Variants in XRN1 observed in about 807,000 individuals in gnomAD.
XRN1 encodes strand-exchange protein 1 homolog.
XRN1 carries 67 observed loss-of-function variants against 222.3 expected under a neutral mutation model. The observed-to-expected ratio is 0.30, with a 90% CI of 0.25 to 0.37. XRN1 has a LOEUF of 0.37. Among genes scored for constraint, XRN1 ranks in the 10% least tolerant of loss-of-function variants. The pLI is 1.00. For synonymous variants in XRN1, 643 were observed against 652.4 expected, an observed-to-expected ratio of 0.99 and a Z score of 0.22; for missense variants, 1,707 against 2,000.2, an observed-to-expected ratio of 0.85 and a Z score of 2.80.
chr3:142,326,405 T>C (rs972365243), intron 37 of XRN1, among the ~76,000 whole-genome samples: 6 of 152,112 alleles, frequency 3.9e-5, no homozygotes, highest in Admixed American at 3.9e-4. Context: ...AGGTATTTTA[T>C]TTATTTGTAG....
chr3:142,320,516 ACT>A (rs1277897902), intron 37 of XRN1, among the ~76,000 whole-genome samples: 1 of 151,736 alleles, frequency 6.6e-6, no homozygotes, highest in Non-Finnish European at 1.5e-5. Context: ...TTGTCTGTTT[ACT>A]CTGTTGATTA....
chr3:142,325,103 T>TGGTA (rs1489618255), intron 37 of XRN1, among the ~76,000 whole-genome samples: 1 of 152,210 alleles, frequency 6.6e-6, no homozygotes. Flanking sequence ...CTGGATCATA[T>TGGTA]GGTAGGTCTA....
chr3:142,382,306 G>T (rs1453083440), intron 22 of XRN1, among the ~76,000 whole-genome samples: 1 of 152,058 alleles, frequency 6.6e-6, no homozygotes, highest in Non-Finnish European at 1.5e-5. Flanking sequence ...TTGCACAATG[G>T]TTTTTCAACT....
In XRN1 at chr3:142,371,298, T is replaced by G; in HGVS notation, c.3009A>C (p.Lys1003Asn). The change falls in exon 26 of 41, where the codon AAA (lysine) becomes AAC (asparagine). Residue 1003 changes from lysine (K) to asparagine (N), a missense_variant. Around this residue, in one of 2 missense-constraint regions of XRN1, gnomAD observed 1,234 missense variants for 1,518.2 expected, o/e 0.81. Coordinates refer to ENST00000392981, the MANE Select transcript of XRN1 (RefSeq NM_001282857.2). ...RAPELFSYIA[K>N]NSQEDVFYED... is the part of the protein sequence containing the mutation. ...CATAGAACACATCCTCTTGGCTATT[T>G]TTGGCTATATAACTAAATAGTTCTG... is the stretch of plus-strand genomic sequence containing the variant. 1.9e-6 allele frequency: 3 copies of G among 1,613,376 alleles called. No homozygotes were observed. The highest frequency in any genetic ancestry group is 2.5e-6 in the Non-Finnish European group (3 of 1,179,900).
chr3:142,387,213 G>T (rs1443243347), intron 20 of XRN1, among the ~76,000 whole-genome samples: 1 of 152,192 alleles, frequency 6.6e-6, no homozygotes, highest in Non-Finnish European at 1.5e-5. Context: ...TCAGGCTCAA[G>T]AAGAATACAC....
At chr3:142,361,891 G>T (rs938002538) in intron 29 of XRN1, among the ~76,000 whole-genome samples, 1 of 124,038 alleles carries the variant, frequency 8.1e-6, no homozygotes, top group Admixed American at 8.2e-5. Context: ...CTTTTGAAGA[G>T]AGTTTTTTTT....
intron 37 of XRN1, among the ~76,000 whole-genome samples, chr3:142,327,331 G>A (rs1159793284): frequency 6.6e-6 from 1 of 151,944 alleles, no homozygotes; most frequent in East Asian, 1.9e-4. Flanking sequence ...ATCTTGGTAT[G>A]TTTTTATGTG....
chr3:142,409,866 G>C (rs2068497590), intron 15 of XRN1, among the ~76,000 whole-genome samples: 3 of 152,072 alleles, frequency 2.0e-5, no homozygotes, highest in South Asian at 2.1e-4. Context: ...GTTTATAGCT[G>C]TGTATTTTAT....
chr3:142,380,311 T>C, intron 22 of XRN1, 131 bp from the exon 23 acceptor site: 1 of 723,368 alleles, frequency 1.4e-6, no homozygotes, highest in Non-Finnish European at 2.2e-6. Flanking sequence ...ATTTGTTAAG[T>C]GGGTATGAAA....
In XRN1 at chr3:142,403,378, T is replaced by C. The variant is rs140581180; in HGVS notation, c.2103+296A>G. ...TCCCCTCCTTTTCTGTGTCCTAACCTGTTTTTCAGTCCTCAGCTCAAGCCT... is the reference window on the plus strand; with the variant it reads ...TCCCCTCCTTTTCTGTGTCCTAACCCGTTTTTCAGTCCTCAGCTCAAGCCT... On this transcript the variant is annotated intron_variant, in intron 18 of 40. Coordinates refer to ENST00000392981, the MANE Select transcript of XRN1 (RefSeq NM_001282857.2). Among the ~76,000 whole-genome samples the C allele has an allele frequency of 6.1e-3, 928 of 152,316 alleles. 5 individuals are homozygous for C. The highest frequency in any genetic ancestry group is 9.9e-3 in the Non-Finnish European group (673 of 67,996).
intron 34 of XRN1, among the ~76,000 whole-genome samples, chr3:142,334,554 C>T (rs9828365): frequency 0.018 from 2,735 of 151,794 alleles, 65 homozygotes; most frequent in African/African-American, 0.057. Context: ...TTGGCTTCCC[C>T]CACACCAATC....
At chr3:142,317,785 G>A (rs1269262342) in intron 39 of XRN1, among the ~76,000 whole-genome samples, 2 of 152,254 alleles carry the variant, frequency 1.3e-5, no homozygotes, top group South Asian at 4.1e-4. Flanking sequence ...GGAACGGCGA[G>A]GGACAATCTA....
intron 37 of XRN1, among the ~76,000 whole-genome samples, chr3:142,326,803 C>T (rs953889390): frequency 6.6e-6 from 1 of 152,036 alleles, no homozygotes; most frequent in African/African-American, 2.4e-5. Flanking sequence ...TCCTTCTATA[C>T]CCAGTTTGTT....
intron 18 of XRN1, among the ~76,000 whole-genome samples, chr3:142,401,834 A>G (rs1181366657): frequency 6.6e-6 from 1 of 152,238 alleles, no homozygotes; most frequent in Non-Finnish European, 1.5e-5. Flanking sequence ...CAATCTACCG[A>G]AATGGAATTT....
chr3:142,341,067 A>G (rs1039297539), intron 33 of XRN1, among the ~76,000 whole-genome samples: 2 of 152,174 alleles, frequency 1.3e-5, no homozygotes, highest in Non-Finnish European at 2.9e-5. Context: ...TGATGAACCA[A>G]TGAAAAAAAT....
chr3:142,373,179 G>A, intron 25 of XRN1, among the ~76,000 whole-genome samples: 1 of 152,022 alleles, frequency 6.6e-6, no homozygotes, highest in Non-Finnish European at 1.5e-5. Flanking sequence ...TCCATTCACT[G>A]TAAGAACAAG....
At chr3:142,431,867 ATATTATATT>A (rs2069557269) in intron 2 of XRN1, among the ~76,000 whole-genome samples, 1 of 35,178 alleles carries the variant, frequency 2.8e-5, no homozygotes, top group East Asian at 5.8e-4. Flanking sequence ...TATATATAAT[ATATTATATT>A]ATATATATTA....
At chr3:142,372,437 G>A (rs572366892) in intron 25 of XRN1, among the ~76,000 whole-genome samples, 1 of 152,306 alleles carries the variant, frequency 6.6e-6, no homozygotes, top group South Asian at 2.1e-4. Flanking sequence ...GGCACAGGAA[G>A]AGGATGGGCT....
At chr3:142,328,703 T>A (rs1274201837) in intron 37 of XRN1, among the ~76,000 whole-genome samples, 62 of 47,180 alleles carry the variant, frequency 1.3e-3, no homozygotes, top group Non-Finnish European at 2.5e-3. Context: ...ACTTGTAATA[T>A]TATATATATA....
Sources: gnomAD v4.1 joint callset for allele counts (sites outside exome capture counted in the v4.1 genomes callset) on GRCh38, gnomAD v4.1.1 for gene constraint, gnomAD v4.1.1 regional missense constraint, MANE v1.5 for transcripts, NCBI Gene and HGNC (gene_info 2026-07-23, HGNC 2026-07-21) for gene names.